CNTNAP3: variants seen among roughly 807,000 people sequenced by gnomAD.
CNTNAP3 encodes contactin-associated protein-like 3.
A neutral mutation model predicts 92.1 loss-of-function variants in CNTNAP3; 36 were observed. The ratio of observed to expected loss-of-function variants is 0.39; its 90% CI spans 0.30 to 0.52. The LOEUF is 0.52. CNTNAP3 is among the 20% of genes least tolerant of loss of function. The pLI, the probability that CNTNAP3 is intolerant of heterozygous loss-of-function variation, is 0.76. For synonymous variants in CNTNAP3, 232 were observed against 422.3 expected (o/e 0.55, Z 5.53); for missense variants, 534 against 1,069.6 (o/e 0.50, Z 6.98).
intron 15 of CNTNAP3, among the ~76,000 whole-genome samples, chr9:39,106,873 G>C (rs995902233): frequency 7.9e-5 from 12 of 152,158 alleles, no homozygotes; most frequent in African/African-American, 2.9e-4. Flanking sequence ...CCATGCTTCA[G>C]TGTGATGCCT....
rs551127218 is a variant in CNTNAP3 at position 39,126,175 on chromosome 9, A to G, written c.2080+6757T>C. Among the ~76,000 whole-genome samples the G allele has an allele frequency of 3.3e-5, 5 of 152,328 alleles. 1 individual carries two copies. In the East Asian group the frequency reaches 9.6e-4, roughly 29 times the overall value. Reference sequence around the variant, plus strand: ...TGTTCTTGAATTAGAATGGAATTAAACTAATAATAGCAGAAAGAGAGCTGA... The same window carrying G: ...TGTTCTTGAATTAGAATGGAATTAAGCTAATAATAGCAGAAAGAGAGCTGA... On this transcript the variant is annotated intron_variant, in intron 13 of 23. Coordinates refer to ENST00000297668, the MANE Select transcript of CNTNAP3 (RefSeq NM_033655.5).
intron 13 of CNTNAP3, among the ~76,000 whole-genome samples, chr9:39,125,273 C>T (rs1339601766): frequency 6.6e-6 from 1 of 151,934 alleles, no homozygotes; most frequent in Admixed American, 6.6e-5. Context: ...AAAACAAACA[C>T]TGCATGTTCT....
At chr9:39,107,532 A>C (rs1302112444) in intron 15 of CNTNAP3, among the ~76,000 whole-genome samples, 1 of 152,222 alleles carries the variant, frequency 6.6e-6, no homozygotes, top group Non-Finnish European at 1.5e-5. Context: ...TAAGAGCTAA[A>C]ATATGAGATA....
chr9:39,121,213 G>GA (rs529148388), intron 13 of CNTNAP3, among the ~76,000 whole-genome samples: 3 of 151,700 alleles, frequency 2.0e-5, no homozygotes, highest in South Asian at 2.1e-4. Context: ...TAAAAGGATG[G>GA]AAAAAATACA....
chr9:39,116,628 AT>A (rs1820865027), intron 14 of CNTNAP3, among the ~76,000 whole-genome samples: 1 of 152,188 alleles, frequency 6.6e-6, no homozygotes. Context: ...AACTGCATTC[AT>A]TTTTAAGTAA....
intron 12 of CNTNAP3, among the ~76,000 whole-genome samples, chr9:39,138,768 T>TACCTTGACAACGGTTTCCCC (rs1267905854): frequency 2.6e-5 from 4 of 152,258 alleles, no homozygotes; most frequent in African/African-American, 9.6e-5. Context: ...TAGGTTTTCC[T>TACCTTGACAACGGTTTCCCC]ACCTTGACAA....
At chr9:39,094,034 T>G (rs1435873088) in intron 18 of CNTNAP3, among the ~76,000 whole-genome samples, 1 of 140,600 alleles carries the variant, frequency 7.1e-6, no homozygotes, top group Non-Finnish European at 1.6e-5. Context: ...TTATTTTCTG[T>G]TTTTATTTAT....
intron 14 of CNTNAP3, among the ~76,000 whole-genome samples, chr9:39,115,401 T>C (rs1050768526): frequency 3.3e-5 from 5 of 151,830 alleles, no homozygotes; most frequent in African/African-American, 1.2e-4. Flanking sequence ...TTTCATTTCA[T>C]GAGACTGGTA....
At chr9:39,159,786 A>G (rs549742020) in intron 9 of CNTNAP3, 1 of 123,854 alleles carries the variant, frequency 8.1e-6, no homozygotes, top group Admixed American at 7.9e-5. Flanking sequence ...AATGGATCTG[A>G]TGGAGGTTGG....
intron 13 of CNTNAP3, among the ~76,000 whole-genome samples, chr9:39,125,827 A>G (rs1338736031): frequency 6.6e-6 from 1 of 152,142 alleles, no homozygotes; most frequent in Non-Finnish European, 1.5e-5. Context: ...GAGTCAAAAT[A>G]TATTAGGGGG....
At chr9:39,082,186 C>A (rs1825960314) in intron 21 of CNTNAP3, among the ~76,000 whole-genome samples, 1 of 151,748 alleles carries the variant, frequency 6.6e-6, no homozygotes, top group Non-Finnish European at 1.5e-5. Flanking sequence ...CTTAAAAACT[C>A]ATTTATCTCA....
chr9:39,132,932 C>G lies in CNTNAP3; in HGVS notation c.2080G>C (p.Asp694His), dbSNP rs1269776855. 6.5e-7 allele frequency: 1 copy of G among 1,544,022 alleles called. No homozygotes were observed. Among genetic ancestry groups the G allele is most frequent in the East Asian group, 2.4e-5 (1 of 41,242 alleles). Residue 694 changes from aspartate (D) to histidine (H), a missense_variant and splice_region_variant, in exon 13 of 24, where the codon GAT (aspartate) becomes CAT (histidine). Physicochemically the swap from Asp to His is moderately conservative, Grantham distance 81 (BLOSUM62 -1). Transcript: ENST00000297668. ...CGTARRPDSR[D>H]GTPLSWWVGR... is the part of the protein sequence containing the mutation. ...TGTAGCCTCCAGGAGTGGCGCTTAC[C>G]TCGTGAGTCCGGGCGCCGCGCCGTC...
At chr9:39,149,766 T>C (rs1249944537) in intron 10 of CNTNAP3, 40 bp downstream of exon 10, 3 of 1,332,794 alleles carry the variant, frequency 2.3e-6, no homozygotes, top group African/African-American at 1.5e-5. Context: ...TCTTCAACTT[T>C]GAAAACAGGC....
At position 39,129,006 on chromosome 9, in the gene CNTNAP3, A is replaced by G. The variant is rs1471297055; in HGVS notation, c.2080+3926T>C. Among the ~76,000 whole-genome samples, 6 of 152,250 alleles carry G rather than the reference A, an allele frequency of 3.9e-5. No homozygotes were observed. The East Asian group carries it at 1.2e-3, about 29-fold the overall frequency. ...GAGGCAAGAAATCAAAGATCCAAAT[A>G]AATGGAAAGATATCTCATGTTCATG... is the stretch of plus-strand genomic sequence containing the variant. On this transcript the variant is annotated intron_variant, in intron 13 of 23. Transcript: ENST00000297668.
chr9:39,132,868 C>G (rs1010313709), intron 13 of CNTNAP3, 64 bp downstream of exon 13: 19 of 1,483,974 alleles, frequency 1.3e-5, no homozygotes, highest in Non-Finnish European at 1.7e-5. Flanking sequence ...TCAAACGCAT[C>G]TCGCAGCCCG....
intron 14 of CNTNAP3, among the ~76,000 whole-genome samples, chr9:39,110,977 C>T (rs1436547182): frequency 2.0e-5 from 3 of 151,890 alleles, no homozygotes; most frequent in African/African-American, 7.3e-5. Context: ...GGCAAAAGAT[C>T]ACAATAATTG....
intron 18 of CNTNAP3, among the ~76,000 whole-genome samples, chr9:39,095,645 T>C (rs1202842438): frequency 6.9e-6 from 1 of 144,920 alleles, no homozygotes; most frequent in African/African-American, 2.5e-5. Context: ...TTTTCATTTG[T>C]TGAACCACTC....
At chr9:39,184,022 T>C (rs1822483928) in intron 4 of CNTNAP3, among the ~76,000 whole-genome samples, 1 of 147,910 alleles carries the variant, frequency 6.8e-6, no homozygotes, top group Non-Finnish European at 1.5e-5. Context: ...GTATCGTGTA[T>C]GTGTTCTTTT....
In CNTNAP3 at chr9:39,142,034, T is replaced by C. The variant is rs146081925; in HGVS notation, c.1757-1396A>G. On this transcript the variant is annotated intron_variant, in intron 11 of 23. Coordinates refer to ENST00000297668, the MANE Select transcript of CNTNAP3 (RefSeq NM_033655.5). ...TGTGGACTTGGCAAATTTCTACCTA[T>C]AGCCGTCAACTATTAGATGAGACTG... 4.9e-3 allele frequency among the ~76,000 whole-genome samples: 742 copies of C among 152,294 alleles called. 7 individuals carry two copies. Among genetic ancestry groups the C allele is most frequent in the African/African-American group, 0.016 (662 of 41,566 alleles).
Sources: gnomAD v4.1 joint callset for allele counts (sites outside exome capture counted in the v4.1 genomes callset) on GRCh38, gnomAD v4.1.1 for gene constraint, MANE v1.5 for transcripts, NCBI Gene and HGNC (gene_info 2026-07-23, HGNC 2026-07-21) for gene names.